Variants in RNF144A observed in about 807,000 individuals in gnomAD.
RNF144A encodes the protein E3 ubiquitin-protein ligase RNF144A.
Under a neutral mutation model 38.7 loss-of-function variants are expected in RNF144A, and 11 were observed. The observed-to-expected ratio is 0.28, with a 90% confidence interval of 0.18 to 0.47. RNF144A has a LOEUF of 0.47. RNF144A is among the 20% of genes least tolerant of loss of function. The probability of loss-of-function intolerance (pLI) is 0.99; values close to 1 mark genes in which losing one functional copy is unlikely to be tolerated. For missense variants in RNF144A, 316 were observed against 377.2 expected, an observed-to-expected ratio of 0.84 and a Z score of 1.34; for synonymous variants, 149 against 143.9, an observed-to-expected ratio of 1.04 and a Z score of -0.25.
chr2:7,002,429 C>A (rs945480598), intron 3 of RNF144A, among the ~76,000 whole-genome samples: 2 of 152,170 alleles, frequency 1.3e-5, no homozygotes, highest in African/African-American at 2.4e-5. Context: ...ACAGAGAGAA[C>A]AGTGAATTCT....
At chr2:7,002,989 A>T (rs2103401027) in intron 3 of RNF144A, among the ~76,000 whole-genome samples, 1 of 152,286 alleles carries the variant, frequency 6.6e-6, no homozygotes, top group Non-Finnish European at 1.5e-5. Context: ...TTAACAAAAA[A>T]AGTTTAAAAA....
rs148351381 is a variant in RNF144A, at chr2:6,998,327, T to A, written c.135+1266T>A. Among the ~76,000 whole-genome samples, 306 of 152,342 alleles carry A rather than the reference T, an allele frequency of 2.0e-3. 1 individual carries two copies. Among genetic ancestry groups the A allele is most frequent in the Middle Eastern group, 0.014 (4 of 294 alleles). On this transcript the variant is annotated intron_variant, in intron 3 of 8. Transcript: ENST00000320892. ...GATGCATTCATCTTTCTTGCATAGC[T>A]TTCAGACTGTATTTCATTTGCACCT...
downstream of RNF144A, chr2:7,044,194 G>T: frequency 3.0e-6 from 3 of 985,252 alleles, no homozygotes; most frequent in Non-Finnish European, 3.6e-6. Flanking sequence ...GCGTGGCTCC[G>T]TCTTTTGTAG....
rs748823392 is a variant in RNF144A, at chr2:6,998,265, A to G, written c.135+1204A>G. Among the ~76,000 whole-genome samples the G allele has an allele frequency of 3.2e-4, 48 of 152,226 alleles. 1 individual carries two copies. Among genetic ancestry groups the G allele is most frequent in the Middle Eastern group, 3.4e-3 (1 of 294 alleles). On this transcript the variant is annotated intron_variant, in intron 3 of 8. Coordinates refer to ENST00000320892, the MANE Select transcript of RNF144A (RefSeq NM_014746.6). Reference sequence around the variant, plus strand: ...GGGTTTTTCGAATGCCTGGATTATAATCTGTCACTCGAACAGTCTCTCCCA... The same window carrying G: ...GGGTTTTTCGAATGCCTGGATTATAGTCTGTCACTCGAACAGTCTCTCCCA...
intron 2 of RNF144A, among the ~76,000 whole-genome samples, chr2:6,973,083 T>C (rs554094293): frequency 7.9e-5 from 12 of 152,350 alleles, no homozygotes; most frequent in South Asian, 4.1e-4. Context: ...ATATGCCTGC[T>C]TCACAGTTTA....
At position 7,042,595 on chromosome 2, in the gene RNF144A, C is replaced by G. The variant is rs561653800; in HGVS notation, c.*2835C>G. 2 of 985,560 alleles carry G rather than the reference C, an allele frequency of 2.0e-6. No individual in the cohort carries two copies. The highest frequency in any genetic ancestry group is 2.3e-4 in the East Asian group (2 of 8,816). 61.1% of individuals were successfully genotyped at this position (985,560 alleles called of 1,614,324 possible). A position where few individuals can be genotyped will look rare whatever the true frequency, so the allele number is the denominator to read the frequency against. On this transcript the variant is annotated 3_prime_UTR_variant, in exon 9 of 9. Coordinates refer to ENST00000320892, the MANE Select transcript of RNF144A (RefSeq NM_014746.6). ...TTCTCTGAGGCCCTTGAGTAACTGA[C>G]CACATTTGGAGGTTTTGCTGGAAAT...
At chr2:6,957,392 T>C (rs771315) in intron 2 of RNF144A, among the ~76,000 whole-genome samples, 137,986 of 152,218 alleles carry the variant, frequency 0.91, 62,782 homozygotes, top group African/African-American at 0.98. Flanking sequence ...TTCCCTTTTG[T>C]GTTATATTTG....
intron 8 of RNF144A, 120 bp from the exon 9 acceptor site, chr2:7,039,509 T>C: frequency 6.6e-7 from 1 of 1,512,010 alleles, no homozygotes; most frequent in Non-Finnish European, 8.9e-7. Flanking sequence ...GATGGATAGA[T>C]GGATGGTTGG....
downstream of RNF144A, chr2:7,044,217 C>T: frequency 2.0e-6 from 2 of 980,036 alleles, no homozygotes; most frequent in Non-Finnish European, 2.4e-6. Context: ...GCTTATCTGA[C>T]TACTGGCCTG....
chr2:7,032,563 G>A (rs1295490862), intron 8 of RNF144A, among the ~76,000 whole-genome samples: 1 of 152,214 alleles, frequency 6.6e-6, no homozygotes, highest in Non-Finnish European at 1.5e-5. Context: ...TCTGTGGTTC[G>A]CCAGCCATCT....
intron 5 of RNF144A, among the ~76,000 whole-genome samples, chr2:7,019,808 A>G (rs11692382): frequency 2.7e-3 from 407 of 152,366 alleles, no homozygotes; most frequent in African/African-American, 9.3e-3. Context: ...GGCTAATTCC[A>G]TTAAATTGGG....
intron 1 of RNF144A, among the ~76,000 whole-genome samples, 156 bp from the exon 2 acceptor site, chr2:6,940,792 G>GT (rs1177847826): frequency 2.6e-5 from 4 of 152,048 alleles, no homozygotes; most frequent in African/African-American, 7.2e-5. Flanking sequence ...GTAAACCTCA[G>GT]TTTTTTCTCC....
At chr2:6,951,986 GT>G (rs1456376958) in intron 2 of RNF144A, among the ~76,000 whole-genome samples, 1 of 152,012 alleles carries the variant, frequency 6.6e-6, no homozygotes, top group Non-Finnish European at 1.5e-5. Context: ...TCCAGCCTGA[GT>G]TTTATAGGGA....
chr2:6,947,561 T>C (rs975572575), intron 2 of RNF144A, among the ~76,000 whole-genome samples: 1 of 152,232 alleles, frequency 6.6e-6, no homozygotes, highest in Non-Finnish European at 1.5e-5. Context: ...AAAAATTAAA[T>C]CTTTTAAAAC....
chr2:7,039,660 T>C lies in RNF144A; in HGVS notation c.779T>C (p.Leu260Pro), dbSNP rs1277126782. The C allele has an allele frequency of 6.2e-7, 1 of 1,614,136 alleles. No homozygotes were observed. The highest frequency in any genetic ancestry group is 8.5e-7 in the Non-Finnish European group (1 of 1,180,004). Residue 260 changes from leucine to proline, a missense_variant, in exon 9 of 9, where the codon CTG becomes CCG. Coordinates refer to ENST00000320892, the MANE Select transcript of RNF144A (RefSeq NM_014746.6). ...GGCATTTTTGCAGGATTTGGGCTGCTGCTCTTGGTGGCCTCACCTTTCCTA... is the reference window on the plus strand; with the variant it reads ...GGCATTTTTGCAGGATTTGGGCTGCCGCTCTTGGTGGCCTCACCTTTCCTA... ...VVGIFAGFGLLLLVASPFLLL... is the reference protein window; with the variant it reads ...VVGIFAGFGLPLLVASPFLLL...
chr2:7,055,911 C>A (rs1411184818), intron 6 of RNF144A, among the ~76,000 whole-genome samples: 5 of 152,154 alleles, frequency 3.3e-5, no homozygotes, highest in Non-Finnish European at 7.4e-5. Context: ...ATTGTTTAGA[C>A]CTTCCTACCC....
At chr2:6,968,157 C>T (rs372061309) in intron 2 of RNF144A, among the ~76,000 whole-genome samples, 1 of 152,324 alleles carries the variant, frequency 6.6e-6, no homozygotes, top group African/African-American at 2.4e-5. Flanking sequence ...GTGTGGGCAG[C>T]CACCCTGTCC....
intron 1 of RNF144A, among the ~76,000 whole-genome samples, chr2:6,926,688 C>T (rs1664895849): frequency 1.3e-5 from 2 of 152,186 alleles, no homozygotes; most frequent in African/African-American, 4.8e-5. Flanking sequence ...AGGAGGCGCT[C>T]AATAAATATT....
At position 6,935,833 on chromosome 2, in the gene RNF144A, G is replaced by A. The variant is rs577417934; in HGVS notation, c.-211-5115G>A. Among the ~76,000 whole-genome samples, 11 of 152,332 alleles carry A rather than the reference G, an allele frequency of 7.2e-5. No individual in the cohort carries two copies. In the South Asian group the frequency reaches 2.3e-3, roughly 32 times the overall value. The stretch of plus-strand genomic sequence containing the variant: ...ATGCTTGTTGTCGGCATGGCAATCT[G>A]CACACCTACCCTAGGGCTTCTGAGG... On this transcript the variant is annotated intron_variant, in intron 1 of 8. Coordinates refer to ENST00000320892, the MANE Select transcript of RNF144A (RefSeq NM_014746.6).
Sources: gnomAD v4.1 joint callset for allele counts (sites outside exome capture counted in the v4.1 genomes callset) on GRCh38, gnomAD v4.1.1 for gene constraint, MANE v1.5 for transcripts, NCBI Gene and HGNC (gene_info 2026-07-23, HGNC 2026-07-21) for gene names.